The following ANKMY2 variants were observed in gnomAD, a reference collection of about 807,000 sequenced individuals.
The protein encoded by ANKMY2 is ankyrin repeat and MYND domain-containing protein 2.
A neutral mutation model predicts 50.4 loss-of-function variants in ANKMY2; 36 were observed. The ratio of observed to expected loss-of-function variants is 0.71; its 90% CI spans 0.55 to 0.94. The LOEUF is 0.94. Ranked by LOEUF, ANKMY2 falls within the 40% of genes least tolerant of loss-of-function variation. The pLI is 0.00. For missense variants in ANKMY2, 565 were observed against 524.0 expected (o/e 1.08, Z -0.76); for synonymous variants, 187 against 178.8 (o/e 1.05, Z -0.36).
At chr7:16,638,586 T>C (rs922523549) in intron 1 of ANKMY2, among the ~76,000 whole-genome samples, 9 of 152,224 alleles carry the variant, frequency 5.9e-5, no homozygotes, top group Non-Finnish European at 1.2e-4. Context: ...GTAATATTTA[T>C]GCAAGCTTGA....
At chr7:16,621,714 C>A (rs1213830949) in intron 4 of ANKMY2, among the ~76,000 whole-genome samples, 1 of 152,122 alleles carries the variant, frequency 6.6e-6, no homozygotes, top group Non-Finnish European at 1.5e-5. Flanking sequence ...TGGTTCATGC[C>A]TGTAATCCTA....
chr7:16,638,896 C>T (rs918342854), intron 1 of ANKMY2, among the ~76,000 whole-genome samples: 7 of 152,132 alleles, frequency 4.6e-5, no homozygotes, highest in Non-Finnish European at 7.4e-5. Context: ...GTTTTAGGAG[C>T]TCTGTGTTAG....
At chr7:16,605,054 C>T (rs1345927490) in intron 7 of ANKMY2, among the ~76,000 whole-genome samples, 1 of 152,104 alleles carries the variant, frequency 6.6e-6, no homozygotes, top group Non-Finnish European at 1.5e-5. Context: ...TATGAAAAGT[C>T]AGTCATATGT....
At chr7:16,640,147 C>A (rs1386844501) in intron 1 of ANKMY2, among the ~76,000 whole-genome samples, 2 of 151,866 alleles carry the variant, frequency 1.3e-5, no homozygotes, top group Non-Finnish European at 1.5e-5. Context: ...GCTTGGGCGA[C>A]AAGAGCGAGA....
chr7:16,626,408 T>C (rs1417184391), intron 3 of ANKMY2, among the ~76,000 whole-genome samples: 1 of 152,218 alleles, frequency 6.6e-6, no homozygotes, highest in Non-Finnish European at 1.5e-5. Context: ...TTTATCAATA[T>C]TGTCCTTTTT....
At chr7:16,643,584 C>G (rs1285300290) in intron 1 of ANKMY2, among the ~76,000 whole-genome samples, 1 of 149,588 alleles carries the variant, frequency 6.7e-6, no homozygotes, top group Admixed American at 6.6e-5. Context: ...CAGCACTAAC[C>G]AGAATAAATG....
At chr7:16,637,195 G>A (rs1583685424) in intron 1 of ANKMY2, among the ~76,000 whole-genome samples, 1 of 152,328 alleles carries the variant, frequency 6.6e-6, no homozygotes, top group East Asian at 1.9e-4. Context: ...GTTTTACTGG[G>A]AAGAGAAGAA....
At chr7:16,613,792 C>T (rs2128342911) in intron 5 of ANKMY2, among the ~76,000 whole-genome samples, 1 of 151,628 alleles carries the variant, frequency 6.6e-6, no homozygotes, top group South Asian at 2.1e-4. Flanking sequence ...AAAAATTAGC[C>T]AGGCGTGGTG....
At chr7:16,626,161 G>C (rs983817899) in intron 3 of ANKMY2, among the ~76,000 whole-genome samples, 1 of 151,658 alleles carries the variant, frequency 6.6e-6, no homozygotes, top group Non-Finnish European at 1.5e-5. Flanking sequence ...TTGTTATTTT[G>C]GTAGAGACGG....
chr7:16,615,896 C>T lies in ANKMY2; in HGVS notation c.379G>A (p.Asp127Asn). ...AAATTGTTGATTATGGTCACACAAT[C>T]ATGTTGACCTTTTCATAGAAAAATA... ...AQMAAFVGQH[D>N]CVTIINNFFP... The change falls in exon 5 of 10, where the codon GAT (aspartate) becomes AAT (asparagine). Residue 127 changes from aspartate to asparagine, a missense_variant. Asp to Asn is a conservative substitution (Grantham distance 23). Transcript: ENST00000306999. 6.3e-7 allele frequency: 1 copy of T among 1,596,150 alleles called. No homozygotes were observed. The highest frequency in any genetic ancestry group is 8.5e-7 in the Non-Finnish European group (1 of 1,172,194).
chr7:16,601,773 C>T (rs969118844), intron 9 of ANKMY2, among the ~76,000 whole-genome samples: 2 of 152,152 alleles, frequency 1.3e-5, no homozygotes, highest in African/African-American at 4.8e-5. Context: ...GGGCAGTTCT[C>T]CTCTCCAATC....
chr7:16,615,864 AG>A lies in ANKMY2; in HGVS notation c.410del (p.Pro137LeufsTer43). On this transcript the variant is annotated frameshift_variant, in exon 5 of 10. Coordinates refer to ENST00000306999, the MANE Select transcript of ANKMY2 (RefSeq NM_020319.3). LOFTEE classifies it high-confidence loss of function. ...TAGTGTAATAATCCAGTCTCTCTCG[AG>A]GAAAGAAATTGTTGATTATGGTCAC... ...DCVTIINNFF[P>X]RERLDYYTKP... is the part of the protein sequence containing the mutation. 1 of 1,613,996 alleles carries A rather than the reference AG, an allele frequency of 6.2e-7. No individual in the cohort carries two copies. Among genetic ancestry groups the A allele is most frequent in the South Asian group, 1.1e-5 (1 of 91,042 alleles).
intron 4 of ANKMY2, among the ~76,000 whole-genome samples, chr7:16,623,014 T>C (rs1405847831): frequency 2.0e-5 from 3 of 152,196 alleles, no homozygotes; most frequent in East Asian, 1.9e-4. Context: ...GAGTATCATA[T>C]AGCTGTTGAA....
chr7:16,610,979 C>T (rs1781241575), intron 5 of ANKMY2, among the ~76,000 whole-genome samples: 1 of 152,332 alleles, frequency 6.6e-6, no homozygotes, highest in Non-Finnish European at 1.5e-5. Context: ...CTCTGTATAT[C>T]AAAGTTATAA....
intron 4 of ANKMY2, 134 bp from the exon 5 acceptor site, chr7:16,616,038 G>C (rs998321525): frequency 1.4e-6 from 1 of 701,814 alleles, no homozygotes; most frequent in East Asian, 2.9e-5. Flanking sequence ...AAGGAGAGTA[G>C]AGGAGGAGGA....
rs1388107501 is a variant in ANKMY2, at chr7:16,629,679, A to G, written c.133-2501T>C. ...TGTGGTAGATGGTCCTGGGTATTAG[A>G]AAAAAAACTAGTGATAAGTAACAAA... On this transcript the variant is annotated intron_variant, in intron 2 of 9. Transcript: ENST00000306999. Among the ~76,000 whole-genome samples the G allele has an allele frequency of 2.6e-5, 4 of 152,082 alleles. No individual in the cohort carries two copies. In the South Asian group the frequency reaches 8.3e-4, roughly 31 times the overall value.
At chr7:16,603,432 C>A in intron 8 of ANKMY2, 1 of 323,568 alleles carries the variant, frequency 3.1e-6, no homozygotes, top group Non-Finnish European at 6.2e-6. Context: ...TACAAAAATG[C>A]AGGAACAGGG....
intron 8 of ANKMY2, among the ~76,000 whole-genome samples, chr7:16,604,097 A>G (rs2128341683): frequency 6.6e-6 from 1 of 152,368 alleles, no homozygotes; most frequent in South Asian, 2.1e-4. Flanking sequence ...TTCATACAAC[A>G]TGCTGGAGAA....
At chr7:16,624,945 T>C in intron 4 of ANKMY2, 38 bp downstream of exon 4, 1 of 1,555,396 alleles carries the variant, frequency 6.4e-7, no homozygotes. Context: ...AGGGAAATTT[T>C]GGGTATAATC....
Sources: gnomAD v4.1 joint callset for allele counts (sites outside exome capture counted in the v4.1 genomes callset) on GRCh38, gnomAD v4.1.1 for gene constraint, MANE v1.5 for transcripts, NCBI Gene and HGNC (gene_info 2026-07-23, HGNC 2026-07-21) for gene names.